Variants in FNIP1 observed in about 807,000 individuals in gnomAD.
FNIP1 encodes folliculin-interacting protein 1.
Under a neutral mutation model 124.5 loss-of-function variants are expected in FNIP1, and 40 were observed. That is an observed-to-expected ratio of 0.32 (90% CI 0.25 to 0.42). The LOEUF (loss-of-function observed/expected upper bound fraction) is 0.42, where lower values mean the gene tolerates loss of function less well. FNIP1 is among the 10% of genes least tolerant of loss of function. The pLI is 1.00. For missense variants in FNIP1, 1,176 were observed against 1,403.7 expected (o/e 0.84, Z 2.59); for synonymous variants, 472 against 470.6 (o/e 1.00, Z -0.04).
intron 1 of FNIP1, among the ~76,000 whole-genome samples, chr5:131,758,896 AT>A (rs753141621): frequency 9.9e-5 from 15 of 152,150 alleles, no homozygotes; most frequent in Non-Finnish European, 1.6e-4. Flanking sequence ...GAAGAGAAAA[AT>A]ACTTAGATAT....
At chr5:131,772,333 T>C (rs1186882361) in intron 1 of FNIP1, among the ~76,000 whole-genome samples, 2 of 151,330 alleles carry the variant, frequency 1.3e-5, no homozygotes, top group Non-Finnish European at 1.5e-5. Flanking sequence ...TATATGACTA[T>C]ACATTGTCAG....
chr5:131,660,081 T>C (rs571854104), intron 15 of FNIP1, among the ~76,000 whole-genome samples: 3 of 152,226 alleles, frequency 2.0e-5, no homozygotes, highest in African/African-American at 7.2e-5. Flanking sequence ...GCCAGAGCCA[T>C]TGTCGACGAC....
At chr5:131,653,849 C>T (rs1483596920) in intron 15 of FNIP1, among the ~76,000 whole-genome samples, 1 of 152,168 alleles carries the variant, frequency 6.6e-6, no homozygotes, top group Non-Finnish European at 1.5e-5. Context: ...TCAAGTGATT[C>T]TCCTGCCTCA....
intron 13 of FNIP1, among the ~76,000 whole-genome samples, chr5:131,677,136 C>T (rs754797605): frequency 2.6e-5 from 4 of 152,170 alleles, no homozygotes; most frequent in African/African-American, 4.8e-5. Flanking sequence ...AATAAGGAAA[C>T]TGTGATTCAA....
chr5:131,754,295 T>C (rs1301074883), intron 1 of FNIP1, among the ~76,000 whole-genome samples: 1 of 152,210 alleles, frequency 6.6e-6, no homozygotes, highest in East Asian at 1.9e-4. Flanking sequence ...AATGATTTTA[T>C]CAACGTGATA....
At chr5:131,786,152 A>T (rs1323069983) in intron 1 of FNIP1, among the ~76,000 whole-genome samples, 2 of 152,330 alleles carry the variant, frequency 1.3e-5, no homozygotes, top group East Asian at 3.9e-4. Context: ...GCAACACAAA[A>T]CAGAAGCATC....
intron 2 of FNIP1, 142 bp downstream of exon 2, chr5:131,744,422 G>C (rs1174840109): frequency 2.6e-6 from 2 of 770,870 alleles, no homozygotes; most frequent in African/African-American, 1.8e-5. Flanking sequence ...CAAAATGTTA[G>C]ATTCACCAAA....
In FNIP1 at chr5:131,651,878, A is replaced by G. The variant is rs368841074; in HGVS notation, c.3230T>C (p.Val1077Ala). The change falls in exon 16 of 18, where the codon GTA becomes GCA. Residue 1077 changes from valine (V) to alanine (A), a missense_variant. Transcript: ENST00000510461. ...RVTDNKLGKE[V>A]LVSSLVSNLL... ...ATTGGAAACAAGACTGGAAACCAAT[A>G]CTTCCTTTCCCAATTTATTATCTGT... 33 of 1,614,050 alleles carry G rather than the reference A, an allele frequency of 2.0e-5. No individual in the cohort carries two copies. Among genetic ancestry groups the G allele is most frequent in the Admixed American group, 3.3e-5 (2 of 60,008 alleles).
At chr5:131,670,710 C>T (rs1767725263) in intron 14 of FNIP1, 79 bp from the exon 15 acceptor site, 2 of 1,028,748 alleles carry the variant, frequency 1.9e-6, no homozygotes, top group African/African-American at 1.7e-5. Flanking sequence ...AAAGTGAATT[C>T]TACTTGTCCA....
chr5:131,704,535 T>C (rs1013010788), intron 9 of FNIP1, among the ~76,000 whole-genome samples: 2 of 152,160 alleles, frequency 1.3e-5, no homozygotes, highest in African/African-American at 4.8e-5. Flanking sequence ...TCCCAATTCA[T>C]AATCAACCAA....
intron 1 of FNIP1, chr5:131,795,526 G>A (rs1311357815): frequency 2.6e-5 from 4 of 152,092 alleles, no homozygotes; most frequent in Non-Finnish European, 5.9e-5. Context: ...TGAGTTACTA[G>A]ATGGCTCAAT....
At chr5:131,711,834 T>C (rs1361250287) in intron 6 of FNIP1, among the ~76,000 whole-genome samples, 1 of 152,244 alleles carries the variant, frequency 6.6e-6, no homozygotes, top group African/African-American at 2.4e-5. Flanking sequence ...ATTATTTTTC[T>C]GTAGCAAGAA....
intron 1 of FNIP1, among the ~76,000 whole-genome samples, chr5:131,745,250 G>A (rs577254446): frequency 6.6e-6 from 1 of 152,248 alleles, no homozygotes; most frequent in African/African-American, 2.4e-5. Flanking sequence ...TGGGTGTGGT[G>A]GCTCACACCT....
chr5:131,673,802 G>A (rs1029271759), intron 13 of FNIP1, among the ~76,000 whole-genome samples: 1 of 152,124 alleles, frequency 6.6e-6, no homozygotes, highest in Non-Finnish European at 1.5e-5. Context: ...CTGAGAGGCC[G>A]AGATGGGTGG....
intron 3 of FNIP1, among the ~76,000 whole-genome samples, chr5:131,728,747 T>C (rs1184642217): frequency 6.6e-6 from 1 of 152,174 alleles, no homozygotes; most frequent in South Asian, 2.1e-4. Context: ...TGTGATCCTT[T>C]GGAGGAGGAG....
intron 3 of FNIP1, among the ~76,000 whole-genome samples, chr5:131,721,647 A>T (rs1319596963): frequency 1.3e-5 from 2 of 152,200 alleles, no homozygotes; most frequent in African/African-American, 2.4e-5. Context: ...AAATACAAAA[A>T]ATTAGCTGGG....
chr5:131,645,676 T>C (rs770119365), intron 17 of FNIP1, among the ~76,000 whole-genome samples: 29 of 152,204 alleles, frequency 1.9e-4, no homozygotes, highest in Non-Finnish European at 2.8e-4. Context: ...TAACCAAAAA[T>C]TCTATTTCAA....
intron 1 of FNIP1, among the ~76,000 whole-genome samples, chr5:131,793,439 G>A (rs944919259): frequency 1.3e-5 from 2 of 152,140 alleles, no homozygotes; most frequent in Non-Finnish European, 2.9e-5. Context: ...ACTAGAAACA[G>A]CCTTTTCTCC....
chr5:131,724,185 T>G (rs1416133148), intron 3 of FNIP1, among the ~76,000 whole-genome samples: 2 of 152,240 alleles, frequency 1.3e-5, no homozygotes, highest in Admixed American at 1.3e-4. Context: ...TCCATGTGTC[T>G]TTATACTAGA....
Sources: allele counts gnomAD v4.1 joint callset (sites outside exome capture counted in the v4.1 genomes callset), GRCh38; gene constraint gnomAD v4.1.1; transcripts MANE v1.5; gene names NCBI Gene and HGNC (gene_info 2026-07-23, HGNC 2026-07-21).